Variants in CFAP74 observed in about 807,000 individuals in gnomAD.
CFAP74 encodes cilia and flagella associated protein 74.
Under a neutral mutation model 188.9 loss-of-function variants are expected in CFAP74, and 124 were observed. The observed-to-expected ratio is 0.66, with a 90% CI of 0.57 to 0.76. The LOEUF is 0.76. Among genes scored for constraint, CFAP74 ranks in the 30% least tolerant of loss-of-function variants. The probability of loss-of-function intolerance (pLI) is 0.00; values close to 1 mark genes in which losing one functional copy is unlikely to be tolerated. For missense variants in CFAP74, 2,198 were observed against 2,165.2 expected, an observed-to-expected ratio of 1.02 and a Z score of -0.30; for synonymous variants, 956 against 916.7, an observed-to-expected ratio of 1.04 and a Z score of -0.77.
At chr1:1,970,005 G>A (rs1024506411) in intron 10 of CFAP74, among the ~76,000 whole-genome samples, 3 of 152,256 alleles carry the variant, frequency 2.0e-5, no homozygotes, top group Non-Finnish European at 4.4e-5. Flanking sequence ...TGGGAAAGGC[G>A]AGACTGAGCG....
rs1570805340 is a variant in CFAP74, at chr1:1,923,550, T to G, written c.4390-51A>C. On this transcript the variant is annotated intron_variant, in intron 35 of 38. Coordinates refer to ENST00000682832, the MANE Select transcript of CFAP74 (RefSeq NM_001304360.2). The surrounding 1 kb of genome is among the most constrained non-coding windows in gnomAD (Gnocchi z 6.3). ...TGTCCCCGAAGCTCGGCGGCAGGGG[T>G]CCTGCTGGTGAGAGCTGGGCTGGCT... is the stretch of plus-strand genomic sequence containing the variant. The G allele has an allele frequency of 6.3e-7, 1 of 1,587,494 alleles. No homozygotes were observed. Among genetic ancestry groups the G allele is most frequent in the Non-Finnish European group, 8.6e-7 (1 of 1,163,046 alleles).
At chr1:1,926,384 G>A (rs1425501080) in intron 31 of CFAP74, 37 bp from the exon 32 acceptor site, 6 of 1,550,074 alleles carry the variant, frequency 3.9e-6, no homozygotes, top group African/African-American at 1.4e-5. Flanking sequence ...ACAGGTGTCT[G>A]CAGGCTCTAC....
intron 2 of CFAP74, among the ~76,000 whole-genome samples, chr1:1,989,345 GT>G: frequency 6.6e-6 from 1 of 152,244 alleles, no homozygotes; most frequent in South Asian, 2.1e-4. Flanking sequence ...AGGGCGGACG[GT>G]GTGAGACAAA....
intron 1 of CFAP74, among the ~76,000 whole-genome samples, chr1:1,999,807 ACT>A (rs1658107647): frequency 6.6e-6 from 1 of 151,766 alleles, no homozygotes; most frequent in South Asian, 2.1e-4. Context: ...ACAGAGCAAG[ACT>A]CTGTCTCAAA....
At chr1:1,934,771 G>A (rs1652728753) in intron 25 of CFAP74, among the ~76,000 whole-genome samples, 1 of 148,912 alleles carries the variant, frequency 6.7e-6, no homozygotes, top group Non-Finnish European at 1.5e-5. Context: ...GTACACACGT[G>A]TGTACGTGGG....
At chr1:1,929,713 G>A (rs55825112) in intron 26 of CFAP74, among the ~76,000 whole-genome samples, 37,042 of 151,592 alleles carry the variant, frequency 0.24, 4,676 homozygotes, top group Non-Finnish European at 0.26. Flanking sequence ...CAGTCGGCCT[G>A]CGAGGTCCAC....
At chr1:1,946,478 A>T in intron 19 of CFAP74, 39 bp from the exon 20 acceptor site, 1 of 1,499,516 alleles carries the variant, frequency 6.7e-7, no homozygotes. Context: ...GCCAGGCTTC[A>T]TGGCTTTTAA....
rs1356243333 is a variant in CFAP74, at chr1:1,975,993, CG to C, written c.501-1796del. Among the ~76,000 whole-genome samples, 2 of 152,156 alleles carry C rather than the reference CG, an allele frequency of 1.3e-5. No individual in the cohort carries two copies. Among genetic ancestry groups the C allele is most frequent in the African/African-American group, 4.8e-5 (2 of 41,410 alleles). ...AATTTCATTCCTCAGTTCTGGAGGCCGGGAAGTCCAAGGTCAAGGTGCCAGC... is the reference window on the plus strand; with the variant it reads ...AATTTCATTCCTCAGTTCTGGAGGCCGGAAGTCCAAGGTCAAGGTGCCAGC... On this transcript the variant is annotated intron_variant, in intron 6 of 38. Coordinates refer to ENST00000682832, the MANE Select transcript of CFAP74 (RefSeq NM_001304360.2). This position sits in a 1 kb window ranked among gnomAD's most constrained non-coding sequence, Gnocchi z 4.5.
At chr1:1,958,511 G>A (rs892881727) in intron 16 of CFAP74, among the ~76,000 whole-genome samples, 8 of 152,234 alleles carry the variant, frequency 5.3e-5, no homozygotes, top group African/African-American at 1.4e-4. Flanking sequence ...GGTGCGGTGC[G>A]AGCTGACCAA....
At chr1:1,945,698 C>T (rs548571618) in intron 20 of CFAP74, among the ~76,000 whole-genome samples, 7 of 151,944 alleles carry the variant, frequency 4.6e-5, no homozygotes, top group Admixed American at 1.3e-4. Flanking sequence ...TGTGGTGGCA[C>T]GCACCTGTAA....
intron 8 of CFAP74, among the ~76,000 whole-genome samples, chr1:1,972,688 A>G (rs1254980151): frequency 6.6e-6 from 1 of 152,194 alleles, no homozygotes; most frequent in African/African-American, 2.4e-5. Flanking sequence ...TCTACTAAAA[A>G]TACAAAAATT....
intron 25 of CFAP74, among the ~76,000 whole-genome samples, chr1:1,934,308 G>A (rs1228583120): frequency 7.1e-6 from 1 of 141,212 alleles, no homozygotes; most frequent in South Asian, 2.3e-4. Context: ...AGGTACACAG[G>A]TGTACACGTG....
chr1:1,940,425 A>C lies in CFAP74; in HGVS notation c.2616-22T>G, dbSNP rs746889530. 9.3e-5 allele frequency: 137 copies of C among 1,474,022 alleles called. No homozygotes were observed. The Middle Eastern group carries it at 3.8e-3, about 41-fold the overall frequency. 91.3% of individuals were successfully genotyped at this position (1,474,022 alleles called of 1,614,324 possible). A position where few individuals can be genotyped will look rare whatever the true frequency, so the allele number is the denominator to read the frequency against. ...GTGTCTGAAAGAGGCAGACAAGGCG[A>C]ATGTGCTTTCCTCTTTCCATTTTGT... On this transcript the variant is annotated intron_variant, in intron 22 of 38. Coordinates refer to ENST00000682832, the MANE Select transcript of CFAP74 (RefSeq NM_001304360.2).
chr1:1,925,222 GCA>G (rs1241941735), intron 33 of CFAP74, among the ~76,000 whole-genome samples: 38 of 146,312 alleles, frequency 2.6e-4, no homozygotes, highest in African/African-American at 8.8e-4. Flanking sequence ...AGGCATGAGG[GCA>G]CACGCTGGTG....
At chr1:1,955,303 C>A (rs747869921) in intron 18 of CFAP74, 2 of 1,300,160 alleles carry the variant, frequency 1.5e-6, no homozygotes, top group Non-Finnish European at 2.0e-6. Flanking sequence ...GCCCGTTTCT[C>A]GGCACCTCTC....
intron 11 of CFAP74, 142 bp from the exon 12 acceptor site, chr1:1,966,668 C>T: frequency 1.7e-6 from 1 of 600,288 alleles, no homozygotes; most frequent in Non-Finnish European, 2.5e-6. Context: ...GATAGCGGTG[C>T]ACACGGTTTT....
intron 25 of CFAP74, among the ~76,000 whole-genome samples, chr1:1,933,224 G>T (rs1477625599): frequency 2.5e-5 from 3 of 121,420 alleles, no homozygotes; most frequent in South Asian, 2.6e-4. Flanking sequence ...TCGCTCTGTC[G>T]CCCAGGCTTA....
At position 1,973,730 on chromosome 1, in the gene CFAP74, AG is replaced by A. The variant is rs1371100068; in HGVS notation, c.674+294del. Reference sequence around the variant, plus strand: ...AAGAGGAAGGGGCTGCCGGAGGGAAAGGGGAGGGGCAGTCTTGCTGGAGCGT... The same window carrying A: ...AAGAGGAAGGGGCTGCCGGAGGGAAAGGGAGGGGCAGTCTTGCTGGAGCGT... On this transcript the variant is annotated intron_variant, in intron 7 of 38. Transcript: ENST00000682832. The surrounding 1 kb of genome is among the most constrained non-coding windows in gnomAD (Gnocchi z 6.2). 6.6e-6 allele frequency among the ~76,000 whole-genome samples: 1 copy of A among 151,832 alleles called. No individual in the cohort carries two copies. The highest frequency in any genetic ancestry group is 2.4e-5 in the African/African-American group (1 of 41,312).
At chr1:1,980,501 A>T (rs1656768160) in intron 6 of CFAP74, among the ~76,000 whole-genome samples, 1 of 152,240 alleles carries the variant, frequency 6.6e-6, no homozygotes, top group Admixed American at 6.5e-5. Context: ...GGCGCCTCAC[A>T]GCAGCCCCCG....
Sources: gnomAD v4.1 joint callset for allele counts (sites outside exome capture counted in the v4.1 genomes callset) on GRCh38, gnomAD v4.1.1 for gene constraint, Gnocchi (gnomAD v3.1) non-coding constraint, MANE v1.5 for transcripts, NCBI Gene and HGNC (gene_info 2026-07-23, HGNC 2026-07-21) for gene names.